Variants in TGDS observed in about 807,000 individuals in gnomAD.
TGDS encodes UDP-D-glucose 4,6-dehydratase.
Under a neutral mutation model 52.3 loss-of-function variants are expected in TGDS, and 47 were observed. That is an observed-to-expected ratio of 0.90 (90% CI 0.71 to 1.15). The LOEUF is 1.15. Ranked by LOEUF, TGDS falls within the 50% of genes most tolerant of loss-of-function variation. The probability of loss-of-function intolerance (pLI) is 0.00; values close to 1 mark genes in which losing one functional copy is unlikely to be tolerated. For synonymous variants in TGDS, 115 were observed against 136.9 expected, an observed-to-expected ratio of 0.84 and a Z score of 1.12; for missense variants, 375 against 418.4, an observed-to-expected ratio of 0.90 and a Z score of 0.90.
chr13:94,592,255 A>G lies in TGDS; in HGVS notation c.208T>C (p.Tyr70His). 1 of 1,610,250 alleles carries G rather than the reference A, an allele frequency of 6.2e-7. No individual in the cohort carries two copies. Among genetic ancestry groups the G allele is most frequent in the Non-Finnish European group, 8.5e-7 (1 of 1,178,744 alleles). ...NLETISNKQN[Y>H]KFIQGDICDS... ...AATGTTCATACCTGTATAAATTTGT[A>G]GTTCTGTTTGTTAGAAATGGTTTCA... The change falls in exon 3 of 12, where the codon TAC becomes CAC. Residue 70 changes from tyrosine to histidine, a missense_variant. Coordinates refer to ENST00000261296, the MANE Select transcript of TGDS (RefSeq NM_014305.4).
intron 1 of TGDS, among the ~76,000 whole-genome samples, chr13:94,595,675 C>A (rs576423142): frequency 1.3e-5 from 2 of 152,016 alleles, no homozygotes; most frequent in African/African-American, 4.8e-5. Context: ...GTCCTTAAAT[C>A]GTTTTGGGGG....
At chr13:94,584,910 C>A (rs1315263711) in intron 4 of TGDS, among the ~76,000 whole-genome samples, 5 of 152,040 alleles carry the variant, frequency 3.3e-5, no homozygotes, top group Non-Finnish European at 7.4e-5. Flanking sequence ...TCTACAAATT[C>A]ATAGCAATAT....
At chr13:94,577,865 A>G (rs1272595081) in intron 9 of TGDS, 140 bp downstream of exon 9, 3 of 840,854 alleles carry the variant, frequency 3.6e-6, no homozygotes, top group Non-Finnish European at 5.3e-6. Flanking sequence ...AATTTAAGAC[A>G]CATATGGTAC....
rs535220811 is a variant in TGDS, at chr13:94,587,830, T to C, written c.313+3023A>G. Among the ~76,000 whole-genome samples the C allele has an allele frequency of 2.6e-5, 4 of 151,010 alleles. No homozygotes were observed. In the South Asian group the frequency reaches 8.4e-4, roughly 32 times the overall value. ...GGCTAACACGGTGAAACCCCGTCTC[T>C]ATTAAAAATACAAAAAATTAGCCGG... On this transcript the variant is annotated intron_variant, in intron 4 of 11. Coordinates refer to ENST00000261296, the MANE Select transcript of TGDS (RefSeq NM_014305.4).
intron 6 of TGDS, among the ~76,000 whole-genome samples, chr13:94,580,584 C>T (rs563279969): frequency 2.0e-5 from 3 of 152,304 alleles, no homozygotes; most frequent in Admixed American, 6.5e-5. Flanking sequence ...GACAGAAGCA[C>T]ATGGCAGAAA....
intron 4 of TGDS, among the ~76,000 whole-genome samples, chr13:94,587,179 G>A (rs1439045466): frequency 1.3e-5 from 2 of 151,724 alleles, no homozygotes; most frequent in Non-Finnish European, 2.9e-5. Context: ...TAGAGAAAAC[G>A]TGAAAATTAA....
At position 94,593,785 on chromosome 13, in the gene TGDS, A is replaced by G. The variant is rs1889283885; in HGVS notation, c.153+56T>C. The stretch of plus-strand genomic sequence containing the variant: ...CATGACAAGATTCTAGTACTTTTAG[A>G]AAACATAAATTGAAATGTAATTTCA... On this transcript the variant is annotated intron_variant, in intron 2 of 11. Coordinates refer to ENST00000261296, the MANE Select transcript of TGDS (RefSeq NM_014305.4). 4.0e-6 allele frequency: 5 copies of G among 1,244,526 alleles called. No homozygotes were observed. In the South Asian group the frequency reaches 6.5e-5, roughly 16 times the overall value. The allele number at this position is 1,244,526 out of a possible 1,614,324, so 77.1% of individuals were successfully genotyped here. A position where few individuals can be genotyped will look rare whatever the true frequency, so the allele number is the denominator to read the frequency against.
At chr13:94,584,138 A>G (rs546431955) in intron 4 of TGDS, among the ~76,000 whole-genome samples, 116 of 152,346 alleles carry the variant, frequency 7.6e-4, no homozygotes, top group African/African-American at 2.6e-3. Flanking sequence ...GAAACTTGGA[A>G]ATATCTAGTC....
At position 94,592,237 on chromosome 13, in the gene TGDS, A is replaced by G. The variant is rs777098732; in HGVS notation, c.222+4T>C. 6.2e-7 allele frequency: 1 copy of G among 1,602,750 alleles called. No individual in the cohort carries two copies. Among genetic ancestry groups the G allele is most frequent in the Non-Finnish European group, 8.5e-7 (1 of 1,173,854 alleles). On this transcript the variant is annotated splice_donor_region_variant and intron_variant, in intron 3 of 11. Transcript: ENST00000261296. ...ACGGTACAGTTACAAGAAAATGTTC[A>G]TACCTGTATAAATTTGTAGTTCTGT...
rs770781419 is a variant in TGDS, at chr13:94,576,387, T to C, written c.909A>G (p.Pro303=). ...AGCCATGTATTTTTTCTGACTTCAT[T>C]GGGTATCTCATGTCATTGGTGGGTC... ...NDRPTNDMRY[P]MKSEKIHGLG... The change falls in exon 11 of 12, where the codon CCA becomes CCG. Residue 303 remains proline (P), a synonymous_variant. Transcript: ENST00000261296. 1.2e-6 allele frequency: 2 copies of C among 1,600,530 alleles called. No homozygotes were observed. Among genetic ancestry groups the C allele is most frequent in the Non-Finnish European group, 1.7e-6 (2 of 1,173,252 alleles).
At chr13:94,584,469 TAAAC>T (rs889522031) in intron 4 of TGDS, among the ~76,000 whole-genome samples, 6 of 152,152 alleles carry the variant, frequency 3.9e-5, no homozygotes, top group Non-Finnish European at 7.4e-5. Context: ...CTGAAGAACT[TAAAC>T]AAAAAATCTC....
intron 11 of TGDS, among the ~76,000 whole-genome samples, chr13:94,576,005 C>T (rs1041784960): frequency 6.6e-6 from 1 of 151,956 alleles, no homozygotes; most frequent in Non-Finnish European, 1.5e-5. Context: ...TATAAGACAC[C>T]AGTGATTATA....
chr13:94,574,909 T>C, intron 11 of TGDS, 57 bp from the exon 12 acceptor site: 1 of 1,135,872 alleles, frequency 8.8e-7, no homozygotes, highest in East Asian at 2.4e-5. Flanking sequence ...AAACTAAACA[T>C]CAGTTAACCA....
At chr13:94,579,974 T>TA (rs1455248643) in intron 6 of TGDS, 21 bp from the exon 7 acceptor site, 1 of 1,523,108 alleles carries the variant, frequency 6.6e-7, no homozygotes, top group Admixed American at 1.8e-5. Context: ...TATCCAACAT[T>TA]AAGGCTTTTA....
At chr13:94,580,979 A>T in intron 6 of TGDS, 112 bp downstream of exon 6, 1 of 612,598 alleles carries the variant, frequency 1.6e-6, no homozygotes, top group Non-Finnish European at 2.5e-6. Flanking sequence ...TCCGAACAAT[A>T]AATAGAAAAC....
chr13:94,592,959 T>C (rs1889258986), intron 2 of TGDS, among the ~76,000 whole-genome samples: 1 of 151,982 alleles, frequency 6.6e-6, no homozygotes. Context: ...ATTGAGACCA[T>C]CCTGGCCAAC....
chr13:94,585,473 G>A (rs1438643521), intron 4 of TGDS, among the ~76,000 whole-genome samples: 5 of 151,766 alleles, frequency 3.3e-5, no homozygotes, highest in Non-Finnish European at 4.4e-5. Flanking sequence ...TCATCTAGTG[G>A]AAATAAAAAA....
At chr13:94,593,698 G>A (rs1889281312) in intron 2 of TGDS, 143 bp downstream of exon 2, 1 of 530,166 alleles carries the variant, frequency 1.9e-6, no homozygotes, top group Non-Finnish European at 3.3e-6. Flanking sequence ...TACAGCATGA[G>A]CACATTACTA....
chr13:94,580,943 A>T, intron 6 of TGDS, 148 bp downstream of exon 6: 1 of 458,196 alleles, frequency 2.2e-6, no homozygotes, highest in Non-Finnish European at 3.7e-6. Flanking sequence ...GTTCGAGACC[A>T]GCCTGAGTGT....
Sources: allele counts gnomAD v4.1 joint callset (sites outside exome capture counted in the v4.1 genomes callset), GRCh38; gene constraint gnomAD v4.1.1; transcripts MANE v1.5; gene names NCBI Gene and HGNC (gene_info 2026-07-23, HGNC 2026-07-21).